Variants in RNFT1 observed in about 807,000 individuals in gnomAD.
RNFT1 encodes ring finger protein, transmembrane 1.
A neutral mutation model predicts 53.2 loss-of-function variants in RNFT1; 35 were observed. That is an observed-to-expected ratio of 0.66 (90% CI 0.50 to 0.87). The LOEUF (loss-of-function observed/expected upper bound fraction) is 0.87. Ranked by LOEUF, RNFT1 falls within the 40% of genes least tolerant of loss-of-function variation. The pLI is 0.00. For missense variants in RNFT1, 421 were observed against 515.0 expected (o/e 0.82, Z 1.77); for synonymous variants, 141 against 172.8 (o/e 0.82, Z 1.44).
At chr17:59,953,758 ATTG>A (rs1419184208) in intron 8 of RNFT1, among the ~76,000 whole-genome samples, 1 of 152,200 alleles carries the variant, frequency 6.6e-6, no homozygotes, top group Non-Finnish European at 1.5e-5. Context: ...AAATGTCAGT[ATTG>A]TTCTACATGG....
At chr17:59,962,747 C>G in intron 2 of RNFT1, 80 bp downstream of exon 2, 2 of 1,353,586 alleles carry the variant, frequency 1.5e-6, no homozygotes, top group Non-Finnish European at 2.0e-6. Context: ...TAACTGGATG[C>G]ATTAAGTAGA....
At chr17:59,957,460 ACT>A (rs2045261323) in intron 5 of RNFT1, 78 bp from the exon 6 acceptor site, 1 of 970,392 alleles carries the variant, frequency 1.0e-6, no homozygotes, top group South Asian at 1.7e-5. Flanking sequence ...GACTGAGAAC[ACT>A]GAGTATATTA....
chr17:59,958,421 A>C lies in RNFT1; in HGVS notation c.716T>G (p.Leu239Trp). 2 of 1,574,342 alleles carry C rather than the reference A, an allele frequency of 1.3e-6. No individual in the cohort carries two copies. The highest frequency in any genetic ancestry group is 1.7e-6 in the Non-Finnish European group (2 of 1,169,668). Residue 239 changes from leucine to tryptophan, a missense_variant, in exon 5 of 9, where the codon TTG becomes TGG. Physicochemically the swap from Leu to Trp is moderately conservative, Grantham distance 61. Transcript: ENST00000305783. ...TACTTCCCAGAAGCTCAAATGGTCCAAAGTAGGATTTAAAAAAATTAAGCT... is the reference window on the plus strand; with the variant it reads ...TACTTCCCAGAAGCTCAAATGGTCCCAAGTAGGATTTAAAAAAATTAAGCT... The part of the protein sequence containing the change: ...YYSLIFLNPT[L>W]DHLSFWEVFW...
At chr17:59,958,262 C>T (rs955467770) in intron 5 of RNFT1, 29 bp downstream of exon 5, 2 of 1,565,754 alleles carry the variant, frequency 1.3e-6, no homozygotes, top group Non-Finnish European at 1.7e-6. Flanking sequence ...GATAACATCA[C>T]TCCAATAAAG....
chr17:59,964,594 C>T lies in RNFT1; in HGVS notation c.56+14G>A, dbSNP rs773643112. The T allele has an allele frequency of 6.3e-7, 1 of 1,592,226 alleles. No individual in the cohort carries two copies. Among genetic ancestry groups the T allele is most frequent in the Non-Finnish European group, 8.6e-7 (1 of 1,168,918 alleles). On this transcript the variant is annotated intron_variant, in intron 1 of 8. Coordinates refer to ENST00000305783, the MANE Select transcript of RNFT1 (RefSeq NM_016125.4). The stretch of plus-strand genomic sequence containing the variant: ...TCGCCGCCTCCTCCTCTGCCCGCTT[C>T]CCCCAGGCCTAACCTCTCATGACCA...
chr17:59,952,873 G>T lies in RNFT1; in HGVS notation c.*104C>A. ...TAAGTCCTACATTCTAAAACCATCT[G>T]GAAACATTTTTCTGGTAGCCCTGAA... On this transcript the variant is annotated 3_prime_UTR_variant, in exon 9 of 9. Transcript: ENST00000305783. 9.1e-7 allele frequency: 1 copy of T among 1,100,354 alleles called. No individual in the cohort carries two copies. The highest frequency in any genetic ancestry group is 1.3e-6 in the Non-Finnish European group (1 of 773,398). The allele number at this position is 1,100,354 out of a possible 1,614,324, so 68.2% of individuals were successfully genotyped here. A position where few individuals can be genotyped will look rare whatever the true frequency, so the allele number is the denominator to read the frequency against.
chr17:59,955,244 A>G (rs535968292), intron 7 of RNFT1, among the ~76,000 whole-genome samples: 8 of 152,348 alleles, frequency 5.3e-5, no homozygotes, highest in South Asian at 2.1e-4. Flanking sequence ...GATTTCAGAA[A>G]TAAGTCAGGA....
Position 59,958,515 on chromosome 17 carries a change from T to C in RNFT1, c.693-71A>G, listed in dbSNP as rs537158853. 1.4e-4 allele frequency: 167 copies of C among 1,202,820 alleles called. No homozygotes were observed. In the African/African-American group the frequency reaches 2.3e-3, roughly 17 times the overall value. 74.5% of individuals were successfully genotyped at this position (1,202,820 alleles called of 1,614,324 possible). On this transcript the variant is annotated intron_variant, in intron 4 of 8. Transcript: ENST00000305783. ...ATAAAGTATTAATAAAGGGTTTTAA[T>C]TTGCTACAAATATTTTATTTTGATA...
intron 8 of RNFT1, among the ~76,000 whole-genome samples, chr17:59,953,397 C>T (rs1384214386): frequency 6.6e-6 from 1 of 152,098 alleles, no homozygotes; most frequent in Non-Finnish European, 1.5e-5. Flanking sequence ...GACAGGGTTT[C>T]ACCATGTTGG....
At chr17:59,963,658 G>A (rs549331242) in intron 1 of RNFT1, among the ~76,000 whole-genome samples, 4 of 152,258 alleles carry the variant, frequency 2.6e-5, no homozygotes, top group Non-Finnish European at 4.4e-5. Context: ...TTTCATCTCT[G>A]ATGTAGATTC....
In RNFT1 at chr17:59,964,707, C is replaced by G; in HGVS notation, c.-44G>C. 1.3e-6 allele frequency: 2 copies of G among 1,558,864 alleles called. No individual in the cohort carries two copies. Among genetic ancestry groups the G allele is most frequent in the Non-Finnish European group, 1.7e-6 (2 of 1,151,266 alleles). ...CAGTCGGGGCCATCAACCGCAAACCCCGCAAGCTCTTCTCTCAGCCCGGCG... is the reference window on the plus strand; with the variant it reads ...CAGTCGGGGCCATCAACCGCAAACCGCGCAAGCTCTTCTCTCAGCCCGGCG... On this transcript the variant is annotated 5_prime_UTR_variant, in exon 1 of 9. Transcript: ENST00000305783.
intron 1 of RNFT1, among the ~76,000 whole-genome samples, chr17:59,964,094 T>C (rs1224220414): frequency 2.0e-5 from 3 of 152,112 alleles, no homozygotes; most frequent in Admixed American, 6.5e-5. Flanking sequence ...CTCTAATAAA[T>C]GATCCAGTGT....
In RNFT1 at chr17:59,953,111, G is replaced by T. The variant is rs1328655426; in HGVS notation, c.1174C>A (p.His392Asn). ...FQKPILLICQ[H>N]IFCEECMTLW... ...GTCATGCACTCTTCACAAAATATAT[G>T]CTGTAATGGAATTAAGAATTAGATT... Residue 392 changes from histidine to asparagine, a missense_variant and splice_region_variant, in exon 9 of 9, where the codon CAT becomes AAT. Transcript: ENST00000305783. 1 of 1,595,858 alleles carries T rather than the reference G, an allele frequency of 6.3e-7. No individual in the cohort carries two copies.
intron 4 of RNFT1, among the ~76,000 whole-genome samples, chr17:59,959,017 A>G (rs1200015153): frequency 1.3e-5 from 2 of 152,110 alleles, no homozygotes; most frequent in Admixed American, 6.6e-5. Flanking sequence ...TTCCTGGGTT[A>G]GTTTTGTCCA....
Position 59,956,535 on chromosome 17 carries a change from G to A in RNFT1, c.1024C>T (p.His342Tyr), listed in dbSNP as rs759260685. The change falls in exon 7 of 9, where the codon CAT (histidine) becomes TAT (tyrosine). Residue 342 changes from histidine to tyrosine, a missense_variant. Transcript: ENST00000305783. Reference protein sequence around the residue: ...LILKLLEFFGHLRTFRQVLRI... With the variant: ...LILKLLEFFGYLRTFRQVLRI... ...AAAACCTGTCTGAAAGTTCTCAGAT[G>A]CCCAAAAAATTCCAAAAGCTGAAAA... 5 of 1,612,486 alleles carry A rather than the reference G, an allele frequency of 3.1e-6. No homozygotes were observed.
chr17:59,960,532 C>T (rs1385854088), intron 3 of RNFT1, among the ~76,000 whole-genome samples: 6 of 146,966 alleles, frequency 4.1e-5, no homozygotes, highest in East Asian at 2.0e-4. Flanking sequence ...CCACCCAGGA[C>T]GGGGGCAGTG....
At chr17:59,961,008 A>G (rs1177357326) in intron 3 of RNFT1, among the ~76,000 whole-genome samples, 2 of 151,140 alleles carry the variant, frequency 1.3e-5, no homozygotes, top group Non-Finnish European at 2.9e-5. Context: ...TTCCCAACTC[A>G]GCCTCCCAAG....
At position 59,964,727 on chromosome 17, in the gene RNFT1, C is replaced by CCGGCGGCAACGG; in HGVS notation, c.-76_-65dup. The CCGGCGGCAACGG allele has an allele frequency of 1.3e-6, 2 of 1,489,476 alleles. No individual in the cohort carries two copies. The highest frequency in any genetic ancestry group is 1.8e-6 in the Non-Finnish European group (2 of 1,113,142). The allele number at this position is 1,489,476 out of a possible 1,614,324, so 92.3% of individuals were successfully genotyped here. ...AAACCCCGCAAGCTCTTCTCTCAGC[C>CCGGCGGCAACGG]CGGCGGCAACGGCGGCGGCGCGCGC... On this transcript the variant is annotated 5_prime_UTR_variant, in exon 1 of 9. Coordinates refer to ENST00000305783, the MANE Select transcript of RNFT1 (RefSeq NM_016125.4).
At chr17:59,963,915 A>G (rs1450327678) in intron 1 of RNFT1, among the ~76,000 whole-genome samples, 2 of 152,154 alleles carry the variant, frequency 1.3e-5, no homozygotes, top group African/African-American at 4.8e-5. Context: ...AATGTTACCT[A>G]AATACATTTA....
Sources: gnomAD v4.1 joint callset for allele counts (sites outside exome capture counted in the v4.1 genomes callset) on GRCh38, gnomAD v4.1.1 for gene constraint, MANE v1.5 for transcripts, NCBI Gene and HGNC (gene_info 2026-07-23, HGNC 2026-07-21) for gene names.